Variants in MEF2C observed in about 807,000 individuals in gnomAD.
The protein encoded by MEF2C is myocyte enhancer factor 2C, also known as myocyte-specific enhancer factor 2C.
Under a neutral mutation model 50.5 loss-of-function variants are expected in MEF2C, and 6 were observed. That is an observed-to-expected ratio of 0.12 (90% CI 0.07 to 0.23). The LOEUF is 0.23. Among genes scored for constraint, MEF2C ranks in the 10% least tolerant of loss-of-function variants. The probability of loss-of-function intolerance (pLI) is 1.00; values close to 1 mark genes in which losing one functional copy is unlikely to be tolerated. For synonymous variants in MEF2C, 183 were observed against 228.0 expected (o/e 0.80, Z 1.78); for missense variants, 276 against 605.0 (o/e 0.46, Z 5.70).
chr5:88,771,094 T>C (rs1782196600), intron 3 of MEF2C, among the ~76,000 whole-genome samples: 1 of 152,196 alleles, frequency 6.6e-6, no homozygotes, highest in African/African-American at 2.4e-5. Context: ...CCATCACATC[T>C]CATAAGACTT....
intron 9 of MEF2C, 70 bp downstream of exon 9, chr5:88,729,148 A>G: frequency 1.3e-6 from 2 of 1,586,018 alleles, no homozygotes. Context: ...AGAGTAAAAG[A>G]TAACTTTTTC....
intron 2 of MEF2C, among the ~76,000 whole-genome samples, chr5:88,805,029 T>G (rs1181800232): frequency 6.6e-6 from 1 of 152,134 alleles, no homozygotes; most frequent in Admixed American, 6.5e-5. Flanking sequence ...AAATGCAAGA[T>G]TTAATGTAGG....
At chr5:88,896,241 C>T (rs1835103287) in intron 1 of MEF2C, among the ~76,000 whole-genome samples, 1 of 152,200 alleles carries the variant, frequency 6.6e-6, no homozygotes, top group Non-Finnish European at 1.5e-5. Context: ...TTCCCCTGGT[C>T]TCTTTTTCTA....
intron 1 of MEF2C, among the ~76,000 whole-genome samples, chr5:88,878,184 G>T (rs1317975568): frequency 2.0e-5 from 3 of 152,120 alleles, no homozygotes; most frequent in South Asian, 4.1e-4. Context: ...TATACAGAAT[G>T]AAGTTCAATC....
chr5:88,781,613 G>A (rs1788067319), intron 3 of MEF2C, among the ~76,000 whole-genome samples: 1 of 152,126 alleles, frequency 6.6e-6, no homozygotes, highest in Admixed American at 6.5e-5. Context: ...AAGTGTAAGG[G>A]GAGAGTTTTC....
At chr5:88,735,587 T>C in intron 6 of MEF2C, 2 of 973,494 alleles carry the variant, frequency 2.1e-6, no homozygotes, top group Middle Eastern at 5.3e-4. Context: ...AATTTAAGCA[T>C]ATATGAGTTA....
chr5:88,868,137 C>G (rs1581773044), intron 1 of MEF2C, among the ~76,000 whole-genome samples: 2 of 152,114 alleles, frequency 1.3e-5, no homozygotes, highest in Admixed American at 6.5e-5. Context: ...ATAAAAATGG[C>G]CCCACGGTGC....
At chr5:88,879,873 A>G (rs1414622518) in intron 1 of MEF2C, among the ~76,000 whole-genome samples, 3 of 152,142 alleles carry the variant, frequency 2.0e-5, no homozygotes, top group African/African-American at 7.2e-5. Flanking sequence ...CCATTCCTCA[A>G]CAATCAGCTT....
chr5:88,726,074 T>C (rs1272332066), intron 10 of MEF2C, among the ~76,000 whole-genome samples: 1 of 152,172 alleles, frequency 6.6e-6, no homozygotes, highest in Non-Finnish European at 1.5e-5. Context: ...GTTTTAAAAG[T>C]ATAGCTTTGA....
At chr5:88,826,679 A>G (rs1450446970) in intron 1 of MEF2C, among the ~76,000 whole-genome samples, 1 of 151,980 alleles carries the variant, frequency 6.6e-6, no homozygotes, top group African/African-American at 2.4e-5. Context: ...GAGGCGAAGA[A>G]AGAGATTATT....
chr5:88,841,895 G>A (rs1817519681), intron 1 of MEF2C, among the ~76,000 whole-genome samples: 1 of 152,078 alleles, frequency 6.6e-6, no homozygotes, highest in African/African-American at 2.4e-5. Context: ...TTTATCTTTT[G>A]TTGTTGCTTT....
chr5:88,769,455 A>ATCATGAGT (rs1432306914), intron 3 of MEF2C, among the ~76,000 whole-genome samples: 1 of 152,152 alleles, frequency 6.6e-6, no homozygotes, highest in Non-Finnish European at 1.5e-5. Flanking sequence ...CGGACAGGGC[A>ATCATGAGT]TGCATCATGA....
At chr5:88,850,746 A>G (rs1218888670) in intron 1 of MEF2C, among the ~76,000 whole-genome samples, 1 of 152,012 alleles carries the variant, frequency 6.6e-6, no homozygotes, top group Non-Finnish European at 1.5e-5. Context: ...ACACATACAT[A>G]TAATTATTTA....
Position 88,880,405 on chromosome 5 carries a change from G to A in MEF2C, c.-143+2550C>T, listed in dbSNP as rs146574090. Among the ~76,000 whole-genome samples, 13 of 152,166 alleles carry A rather than the reference G, an allele frequency of 8.5e-5. No homozygotes were observed. The East Asian group carries it at 9.6e-4, about 11-fold the overall frequency. ...ATGTCTTTGTTGTTATGTAGCACAAGTATTGCTGCACAGCTATTTCCCCAT... is the reference window on the plus strand; with the variant it reads ...ATGTCTTTGTTGTTATGTAGCACAAATATTGCTGCACAGCTATTTCCCCAT... On this transcript the variant is annotated intron_variant, in intron 1 of 10. Transcript: ENST00000504921.
chr5:88,882,180 T>A (rs898292574), intron 1 of MEF2C, among the ~76,000 whole-genome samples: 4 of 152,202 alleles, frequency 2.6e-5, no homozygotes, highest in African/African-American at 9.7e-5. Flanking sequence ...TATATATACT[T>A]CCTTTGTGAC....
intron 1 of MEF2C, among the ~76,000 whole-genome samples, chr5:88,889,771 C>A (rs925319907): frequency 6.6e-6 from 1 of 151,994 alleles, no homozygotes; most frequent in Non-Finnish European, 1.5e-5. Context: ...GTGGCAGTGC[C>A]GGGGTAGTTG....
Position 88,719,875 on chromosome 5 carries a change from G to A in MEF2C, c.*2729C>T, listed in dbSNP as rs1053123132. 1.3e-5 allele frequency: 2 copies of A among 152,146 alleles called. No homozygotes were observed. Among genetic ancestry groups the A allele is most frequent in the African/African-American group, 4.8e-5 (2 of 41,458 alleles). 9.4% of individuals were successfully genotyped at this position (152,146 alleles called of 1,614,324 possible). On this transcript the variant is annotated 3_prime_UTR_variant, in exon 11 of 11. Coordinates refer to ENST00000504921, the MANE Select transcript of MEF2C (RefSeq NM_002397.5). ...TTTCAAGTGATTCTGTTCTCTTCAT[G>A]TTCTTATAAAACTATTGTCAGAACT...
rs547357405 is a variant in MEF2C at position 88,834,415 on chromosome 5, A to G, written c.-142-10485T>C. ...TATCAATGACAAAATTCAATCAGTC[A>G]CAGAGACATGAAGTTGTCAAGCATG... On this transcript the variant is annotated intron_variant, in intron 1 of 10. Coordinates refer to ENST00000504921, the MANE Select transcript of MEF2C (RefSeq NM_002397.5). 1.4e-4 allele frequency among the ~76,000 whole-genome samples: 21 copies of G among 152,304 alleles called. No homozygotes were observed. The East Asian group carries it at 2.3e-3, about 17-fold the overall frequency.
chr5:88,743,701 G>A (rs765858240), intron 6 of MEF2C: 23 of 985,356 alleles, frequency 2.3e-5, no homozygotes, highest in Non-Finnish European at 2.4e-5. Flanking sequence ...CTGGAAACCA[G>A]ATCTCTTATT....
Sources: gnomAD v4.1 joint callset for allele counts (sites outside exome capture counted in the v4.1 genomes callset) on GRCh38, gnomAD v4.1.1 for gene constraint, MANE v1.5 for transcripts, NCBI Gene and HGNC (gene_info 2026-07-23, HGNC 2026-07-21) for gene names.